Variants in ASB3 observed in about 807,000 individuals in gnomAD.
ASB3 encodes ankyrin repeat and SOCS box containing 3, also known as ankyrin repeat and SOCS box protein 3.
A neutral mutation model predicts 54.5 loss-of-function variants in ASB3; 41 were observed. The ratio of observed to expected loss-of-function variants is 0.75; its 90% CI spans 0.59 to 0.98. ASB3 has a LOEUF of 0.98. Ranked by LOEUF, ASB3 falls within the 50% of genes least tolerant of loss-of-function variation. ASB3 has a pLI of 0.00. For missense variants in ASB3, 733 were observed against 620.0 expected (o/e 1.18, Z -1.94); for synonymous variants, 266 against 221.2 (o/e 1.20, Z -1.80).
Position 53,693,880 on chromosome 2 carries a change from T to C in ASB3, c.1369+4A>G, listed in dbSNP as rs1477662618. On this transcript the variant is annotated splice_donor_region_variant and intron_variant, in intron 9 of 9. Transcript: ENST00000263634. ...AAGTGTGTTTAAAAGTTATTCTTTC[T>C]TACCAATATGTTGCTGTAGAATCCA... 5.0e-6 allele frequency: 8 copies of C among 1,612,488 alleles called. No homozygotes were observed. In the African/African-American group the frequency reaches 8.0e-5, roughly 16 times the overall value.
At chr2:53,681,390 T>C (rs1668363881) in intron 9 of ASB3, among the ~76,000 whole-genome samples, 1 of 152,214 alleles carries the variant, frequency 6.6e-6, no homozygotes, top group African/African-American at 2.4e-5. Context: ...ATCCCCTATG[T>C]CCATTTTTGT....
chr2:53,698,911 C>T lies in ASB3; in HGVS notation c.1238+1360G>A, dbSNP rs186256549. On this transcript the variant is annotated intron_variant, in intron 8 of 9. Coordinates refer to ENST00000263634, the MANE Select transcript of ASB3 (RefSeq NM_016115.5). ...ACCAGCCTCTACCCATTACCTAGTT[C>T]GAAAGCTACTTCTATATTCTTAGGT... Among the ~76,000 whole-genome samples the T allele has an allele frequency of 3.5e-3, 532 of 152,294 alleles. 3 individuals carry two copies. Among genetic ancestry groups the T allele is most frequent in the Middle Eastern group, 0.024 (7 of 294 alleles).
chr2:53,745,539 A>C (rs1672175489), intron 3 of ASB3, among the ~76,000 whole-genome samples: 1 of 152,184 alleles, frequency 6.6e-6, no homozygotes, highest in African/African-American at 2.4e-5. Flanking sequence ...GAGTCCCTCC[A>C]TTTAGCTTTA....
intron 2 of ASB3, among the ~76,000 whole-genome samples, chr2:53,759,898 AG>A (rs1217944404): frequency 1.3e-5 from 2 of 151,940 alleles, no homozygotes; most frequent in South Asian, 4.2e-4. Context: ...ACCCTCACAG[AG>A]CCCCGGGTAT....
At chr2:53,727,595 C>G (rs1671074989) in intron 5 of ASB3, among the ~76,000 whole-genome samples, 1 of 152,162 alleles carries the variant, frequency 6.6e-6, no homozygotes, top group Non-Finnish European at 1.5e-5. Context: ...GTGATCATAC[C>G]ACTATACTCT....
intron 3 of ASB3, among the ~76,000 whole-genome samples, chr2:53,748,816 T>C (rs1390257970): frequency 1.3e-5 from 2 of 152,160 alleles, no homozygotes; most frequent in Admixed American, 1.3e-4. Flanking sequence ...CAAAATCTTT[T>C]TTTCTGTTGC....
At chr2:53,700,839 A>T (rs1669451255) in intron 7 of ASB3, among the ~76,000 whole-genome samples, 1 of 152,256 alleles carries the variant, frequency 6.6e-6, no homozygotes, top group Non-Finnish European at 1.5e-5. Flanking sequence ...TGTACAAATG[A>T]GTATCTTTAC....
intron 3 of ASB3, among the ~76,000 whole-genome samples, chr2:53,748,546 G>A (rs888630495): frequency 6.6e-6 from 1 of 152,146 alleles, no homozygotes; most frequent in African/African-American, 2.4e-5. Flanking sequence ...AACATTACTA[G>A]TAATGTGTCA....
At chr2:53,745,422 C>A in intron 3 of ASB3, among the ~76,000 whole-genome samples, 1 of 152,106 alleles carries the variant, frequency 6.6e-6, no homozygotes, top group Admixed American at 6.5e-5. Context: ...TTCCTACTGC[C>A]ATTAAGTTGA....
intron 5 of ASB3, among the ~76,000 whole-genome samples, chr2:53,723,220 C>T (rs1670804837): frequency 6.6e-6 from 1 of 152,114 alleles, no homozygotes. Flanking sequence ...AAACGCTGCT[C>T]ACGGATTGCA....
At chr2:53,748,883 C>G (rs1485680503) in intron 3 of ASB3, among the ~76,000 whole-genome samples, 4 of 152,020 alleles carry the variant, frequency 2.6e-5, no homozygotes, top group African/African-American at 9.7e-5. Context: ...TAATACTATT[C>G]TATCCATGTT....
At chr2:53,723,868 G>A (rs772412770) in intron 5 of ASB3, among the ~76,000 whole-genome samples, 11 of 152,094 alleles carry the variant, frequency 7.2e-5, no homozygotes, top group Non-Finnish European at 1.6e-4. Context: ...TGCTAGTATA[G>A]CTGGCTAGCT....
intron 2 of ASB3, among the ~76,000 whole-genome samples, chr2:53,752,017 C>T (rs1217479633): frequency 1.3e-5 from 2 of 152,086 alleles, no homozygotes; most frequent in East Asian, 1.9e-4. Context: ...CATGTATTAA[C>T]CTGACAGTTT....
intron 3 of ASB3, among the ~76,000 whole-genome samples, chr2:53,740,951 C>T (rs1160231389): frequency 6.6e-6 from 1 of 152,180 alleles, no homozygotes; most frequent in Non-Finnish European, 1.5e-5. Flanking sequence ...GATAACACAT[C>T]CCTAAACTTA....
At chr2:53,756,772 G>T in intron 2 of ASB3, 2 of 153,150 alleles carry the variant, frequency 1.3e-5, no homozygotes, top group South Asian at 3.6e-4. Flanking sequence ...CACCACTGCT[G>T]ATCACCGTCG....
intron 1 of ASB3, among the ~76,000 whole-genome samples, chr2:53,769,242 A>G (rs973572871): frequency 3.3e-5 from 5 of 152,258 alleles, no homozygotes; most frequent in African/African-American, 9.6e-5. Flanking sequence ...TGGGCCCGGT[A>G]GCTCACGCCT....
At chr2:53,745,547 T>C (rs2103983900) in intron 3 of ASB3, among the ~76,000 whole-genome samples, 1 of 152,316 alleles carries the variant, frequency 6.6e-6, no homozygotes, top group African/African-American at 2.4e-5. Context: ...CCATTTAGCT[T>C]TATGTTCAGT....
At chr2:53,736,680 CAG>C (rs1194006230) in intron 3 of ASB3, among the ~76,000 whole-genome samples, 1 of 144,536 alleles carries the variant, frequency 6.9e-6, no homozygotes, top group African/African-American at 2.6e-5. Flanking sequence ...GCCTGGGCGA[CAG>C]AGTGAGATTC....
At chr2:53,722,731 T>A (rs1228154372) in intron 5 of ASB3, among the ~76,000 whole-genome samples, 2 of 152,058 alleles carry the variant, frequency 1.3e-5, no homozygotes, top group African/African-American at 4.8e-5. Context: ...ACAGCCAACA[T>A]CATACTGAAC....
Sources: allele counts gnomAD v4.1 joint callset (sites outside exome capture counted in the v4.1 genomes callset), GRCh38; gene constraint gnomAD v4.1.1; transcripts MANE v1.5; gene names NCBI Gene and HGNC (gene_info 2026-07-23, HGNC 2026-07-21).